ADGRB3: variants seen among roughly 807,000 people sequenced by gnomAD.
ADGRB3 encodes brain-specific angiogenesis inhibitor 3.
In ADGRB3, 37 loss-of-function variants were observed where a neutral mutation model predicts 193.4. The ratio of observed to expected loss-of-function variants is 0.19; its 90% CI spans 0.15 to 0.25. The LOEUF is 0.25. Ranked by LOEUF, ADGRB3 falls within the 10% of genes least tolerant of loss-of-function variation. The probability of loss-of-function intolerance (pLI) is 1.00; values close to 1 mark genes in which losing one functional copy is unlikely to be tolerated. For synonymous variants in ADGRB3, 690 were observed against 644.2 expected (o/e 1.07, Z -1.08); for missense variants, 1,637 against 1,852.9 (o/e 0.88, Z 2.14).
chr6:69,146,378 A>AGCCTGAGAAGGCAGAAGGCCTTCCTGG (rs1266458612), intron 17 of ADGRB3, among the ~76,000 whole-genome samples: 7 of 152,226 alleles, frequency 4.6e-5, no homozygotes, highest in Non-Finnish European at 1.0e-4. Context: ...GGCACTTCTG[A>AGCCTGAGAAGGCAGAAGGCCTTCCTGG]GCCTGAGAAG....
chr6:69,087,298 A>C lies in ADGRB3; in HGVS notation c.2480+11260A>C, dbSNP rs569536039. Among the ~76,000 whole-genome samples the C allele has an allele frequency of 5.3e-5, 8 of 152,312 alleles. No individual in the cohort carries two copies. The South Asian group carries it at 1.4e-3, about 28-fold the overall frequency. On this transcript the variant is annotated intron_variant, in intron 17 of 31. Transcript: ENST00000370598. ...ACCATTCACCTCTCTTAATCTAGAA[A>C]CACATGGAAAATAGAAGAATATCTG...
chr6:69,195,346 A>G lies in ADGRB3; in HGVS notation c.2481-37944A>G, dbSNP rs1765273207. 1.3e-5 allele frequency among the ~76,000 whole-genome samples: 2 copies of G among 151,964 alleles called. 1 individual carries two copies. On this transcript the variant is annotated intron_variant, in intron 17 of 31. Coordinates refer to ENST00000370598, the MANE Select transcript of ADGRB3 (RefSeq NM_001704.3). ...GTAATTCGAGACCAGGCCTGGCAAC[A>G]TAGTGGACCCTATTTCTACAAAAAA...
intron 17 of ADGRB3, among the ~76,000 whole-genome samples, chr6:69,151,524 C>G (rs1380234644): frequency 6.6e-6 from 1 of 152,160 alleles, no homozygotes; most frequent in African/African-American, 2.4e-5. Flanking sequence ...CTCTTCAGTG[C>G]CTTTTTCAGT....
Position 68,987,918 on chromosome 6 carries a change from CTTATA to C in ADGRB3, c.1735-5846_1735-5842del, listed in dbSNP as rs369428106. On this transcript the variant is annotated intron_variant, in intron 10 of 31. Coordinates refer to ENST00000370598, the MANE Select transcript of ADGRB3 (RefSeq NM_001704.3). ...TAAAATTTCTGAATTCATTTGCCTA[CTTATA>C]TTAATTGGATATAGTTTACAAAGCA... Among the ~76,000 whole-genome samples the C allele has an allele frequency of 6.6e-4, 101 of 152,236 alleles. 1 individual carries two copies. In the Middle Eastern group the frequency reaches 0.027, roughly 41 times the overall value.
At chr6:68,815,638 T>TGTGTGG (rs146536913) in intron 3 of ADGRB3, among the ~76,000 whole-genome samples, 9,407 of 149,462 alleles carry the variant, frequency 0.063, 426 homozygotes, top group South Asian at 0.1. Flanking sequence ...TGTGTGTGTG[T>TGTGTGG]GTGCATGTAG....
At chr6:69,060,220 T>TTCTCTCTCTCTCTC (rs556453350) in intron 15 of ADGRB3, among the ~76,000 whole-genome samples, 5,765 of 129,378 alleles carry the variant, frequency 0.045, 323 homozygotes, top group African/African-American at 0.1. Context: ...CTCTCTCTCT[T>TTCTCTCTCTCTCTC]TCTCTCTCTC....
intron 3 of ADGRB3, among the ~76,000 whole-genome samples, chr6:68,712,435 G>A (rs978355975): frequency 1.3e-5 from 2 of 151,908 alleles, no homozygotes; most frequent in African/African-American, 2.4e-5. Context: ...TGCCTCTAGC[G>A]TGTTTTATTG....
At chr6:68,663,282 G>A (rs1768714016) in intron 3 of ADGRB3, among the ~76,000 whole-genome samples, 1 of 151,516 alleles carries the variant, frequency 6.6e-6, no homozygotes. Flanking sequence ...ATTTTGAAAA[G>A]TTGTTGGAAG....
chr6:69,281,698 T>C (rs1767440775), intron 20 of ADGRB3, among the ~76,000 whole-genome samples: 1 of 152,094 alleles, frequency 6.6e-6, no homozygotes, highest in Non-Finnish European at 1.5e-5. Context: ...TCTGGAGGGA[T>C]TAGTTAAGTG....
At chr6:68,675,743 C>G (rs1035926445) in intron 3 of ADGRB3, among the ~76,000 whole-genome samples, 1 of 152,142 alleles carries the variant, frequency 6.6e-6, no homozygotes, top group Non-Finnish European at 1.5e-5. Context: ...AGTGGGACCA[C>G]AGGCCTTCCT....
intron 3 of ADGRB3, among the ~76,000 whole-genome samples, chr6:68,691,841 A>G (rs1374613593): frequency 7.7e-5 from 4 of 51,718 alleles, no homozygotes; most frequent in Non-Finnish European, 1.6e-4. Context: ...TAGAAGGACA[A>G]TTATATATAT....
chr6:69,162,800 T>G (rs1775033593), intron 17 of ADGRB3, among the ~76,000 whole-genome samples: 1 of 152,152 alleles, frequency 6.6e-6, no homozygotes, highest in South Asian at 2.1e-4. Flanking sequence ...CATTATTTTT[T>G]GCATGGGAGT....
intron 29 of ADGRB3, among the ~76,000 whole-genome samples, chr6:69,365,658 C>T (rs1238188277): frequency 6.6e-6 from 1 of 152,014 alleles, no homozygotes; most frequent in Non-Finnish European, 1.5e-5. Context: ...TTTAGCTTGT[C>T]TATTTGTGTA....
At chr6:68,658,485 A>G (rs1204347926) in intron 3 of ADGRB3, among the ~76,000 whole-genome samples, 1 of 151,284 alleles carries the variant, frequency 6.6e-6, no homozygotes. Context: ...ATCCTCACTA[A>G]TAAAAGGACT....
At chr6:68,795,835 A>G (rs1767196524) in intron 3 of ADGRB3, among the ~76,000 whole-genome samples, 2 of 152,162 alleles carry the variant, frequency 1.3e-5, no homozygotes, top group South Asian at 2.1e-4. Context: ...TTATTTCCCT[A>G]GAACAGCATT....
intron 3 of ADGRB3, among the ~76,000 whole-genome samples, chr6:68,862,484 T>C (rs1316253156): frequency 6.6e-6 from 1 of 152,158 alleles, no homozygotes; most frequent in African/African-American, 2.4e-5. Flanking sequence ...ACAAACATAC[T>C]CTCCTGCAAT....
chr6:69,076,932 G>T (rs1772249291), intron 17 of ADGRB3, among the ~76,000 whole-genome samples: 1 of 151,962 alleles, frequency 6.6e-6, no homozygotes, highest in South Asian at 2.1e-4. Context: ...GATGCTACTT[G>T]TTTCTCACCA....
chr6:68,894,072 GTAGA>G (rs1194470506), intron 3 of ADGRB3, among the ~76,000 whole-genome samples: 2 of 151,886 alleles, frequency 1.3e-5, no homozygotes, highest in African/African-American at 2.4e-5. Context: ...TTCTCCAAAT[GTAGA>G]TAATCTTATG....
chr6:69,211,357 G>A (rs965386431), intron 17 of ADGRB3, among the ~76,000 whole-genome samples: 3 of 152,082 alleles, frequency 2.0e-5, no homozygotes, highest in Non-Finnish European at 4.4e-5. Context: ...CAAGCTGTGG[G>A]CCATCTTTCT....
Sources: gnomAD v4.1 joint callset for allele counts (sites outside exome capture counted in the v4.1 genomes callset) on GRCh38, gnomAD v4.1.1 for gene constraint, MANE v1.5 for transcripts, NCBI Gene and HGNC (gene_info 2026-07-23, HGNC 2026-07-21) for gene names.